The following NDUFAF5 variants were observed in gnomAD, a reference collection of about 807,000 sequenced individuals.
NDUFAF5 encodes the protein arginine-hydroxylase NDUFAF5, mitochondrial.
NDUFAF5 carries 34 observed loss-of-function variants against 48.9 expected under a neutral mutation model. The observed-to-expected ratio is 0.70, with a 90% CI of 0.53 to 0.93. The LOEUF (loss-of-function observed/expected upper bound fraction) is 0.93, where lower values mean the gene tolerates loss of function less well. Among genes scored for constraint, NDUFAF5 ranks in the 40% least tolerant of loss-of-function variants. The pLI, the probability that NDUFAF5 is intolerant of heterozygous loss-of-function variation, is 0.00. For synonymous variants in NDUFAF5, 153 were observed against 150.6 expected (o/e 1.02, Z -0.12); for missense variants, 428 against 427.5 (o/e 1.00, Z -0.01).
intron 1 of NDUFAF5, among the ~76,000 whole-genome samples, chr20:13,786,078 C>G (rs1249628366): frequency 1.3e-5 from 2 of 152,188 alleles, no homozygotes; most frequent in Non-Finnish European, 2.9e-5. Context: ...ACCTTTCTCC[C>G]TGCCCAGGTG....
chr20:13,812,189 G>A (rs976669597), intron 8 of NDUFAF5, among the ~76,000 whole-genome samples: 2 of 152,104 alleles, frequency 1.3e-5, no homozygotes, highest in African/African-American at 2.4e-5. Flanking sequence ...TTGACCTATC[G>A]TGCAGCCTCC....
chr20:13,813,227 G>C (rs960483423), intron 8 of NDUFAF5, among the ~76,000 whole-genome samples: 8 of 152,206 alleles, frequency 5.3e-5, no homozygotes, highest in African/African-American at 1.9e-4. Context: ...TGGGATTACA[G>C]GTGTGAGTCT....
chr20:13,808,821 T>G (rs774919069), intron 7 of NDUFAF5, 21 bp from the exon 8 acceptor site: 41 of 1,478,816 alleles, frequency 2.8e-5, no homozygotes, highest in Non-Finnish European at 2.6e-5. Context: ...CAAATGAATA[T>G]TTCTTTTTCT....
Position 13,817,132 on chromosome 20 carries a change from AAG to A in NDUFAF5, c.963_964del (p.Gly322PhefsTer41), listed in dbSNP as rs754782285. On this transcript the variant is annotated frameshift_variant, in exon 11 of 11. Transcript: ENST00000378106. LOFTEE classifies it high-confidence loss of function. ...ATTATTTTCAGGCAAGACCAGCTGAAAGAGGTTCCGCAACTGTGTCATTTGGA... is the reference window on the plus strand; with the variant it reads ...ATTATTTTCAGGCAAGACCAGCTGAAAGGTTCCGCAACTGTGTCATTTGGA... ...YHESQARPAE[R>X]GSATVSFGEL... The A allele has an allele frequency of 5.6e-6, 9 of 1,613,928 alleles. No individual in the cohort carries two copies. Among genetic ancestry groups the A allele is most frequent in the Non-Finnish European group, 7.6e-6 (9 of 1,179,866 alleles).
At chr20:13,806,697 G>A (rs1484385677) in intron 7 of NDUFAF5, among the ~76,000 whole-genome samples, 1 of 152,128 alleles carries the variant, frequency 6.6e-6, no homozygotes, top group Non-Finnish European at 1.5e-5. Flanking sequence ...AAAGAATTTT[G>A]TTTTTAATCT....
chr20:13,817,422 A>G lies in NDUFAF5; in HGVS notation c.*212A>G. 1 of 674,060 alleles carries G rather than the reference A, an allele frequency of 1.5e-6. No homozygotes were observed. The highest frequency in any genetic ancestry group is 2.7e-6 in the Non-Finnish European group (1 of 368,728). The allele number at this position is 674,060 out of a possible 1,614,324, so 41.8% of individuals were successfully genotyped here. ...TAAGGATACTGCTGAGTGTCTTTGC[A>G]GATTCAGCCTAAAAGCAAAGAAAAT... On this transcript the variant is annotated 3_prime_UTR_variant, in exon 11 of 11. Coordinates refer to ENST00000378106, the MANE Select transcript of NDUFAF5 (RefSeq NM_024120.5).
chr20:13,807,491 CTT>C (rs1399295187), intron 7 of NDUFAF5, among the ~76,000 whole-genome samples: 1 of 151,580 alleles, frequency 6.6e-6, no homozygotes, highest in African/African-American at 2.4e-5. Context: ...TACATGCACT[CTT>C]TTGCTTTTTT....
chr20:13,817,093 T>C, intron 10 of NDUFAF5, 25 bp from the exon 11 acceptor site: 2 of 1,603,450 alleles, frequency 1.2e-6, no homozygotes, highest in Admixed American at 1.7e-5. Flanking sequence ...CTATTTCTAA[T>C]ATCTTTAATC....
At chr20:13,812,258 C>A (rs894991594) in intron 8 of NDUFAF5, among the ~76,000 whole-genome samples, 1 of 152,130 alleles carries the variant, frequency 6.6e-6, no homozygotes, top group Non-Finnish European at 1.5e-5. Context: ...GAAATCTTAC[C>A]ATTGTCATCA....
chr20:13,816,787 ATTTCTT>A (rs1053491157), intron 9 of NDUFAF5, 82 bp from the exon 10 acceptor site: 1 of 880,978 alleles, frequency 1.1e-6, no homozygotes, highest in African/African-American at 1.7e-5. Flanking sequence ...CCTTGTACCC[ATTTCTT>A]TTTGAAGAAC....
chr20:13,801,704 A>C, intron 7 of NDUFAF5, 21 bp downstream of exon 7: 2 of 1,596,194 alleles, frequency 1.3e-6, no homozygotes, highest in East Asian at 4.5e-5. Flanking sequence ...AGTTCGATTA[A>C]CCCATAACTT....
At chr20:13,811,749 C>A (rs1218103938) in intron 8 of NDUFAF5, among the ~76,000 whole-genome samples, 1 of 152,142 alleles carries the variant, frequency 6.6e-6, no homozygotes, top group African/African-American at 2.4e-5. Flanking sequence ...GAAGCAGTTT[C>A]CTTAAAAGAG....
In NDUFAF5 at chr20:13,820,931, G is replaced by A. The variant is rs1986944779; in HGVS notation, c.*3721G>A. 6.6e-6 allele frequency: 1 copy of A among 152,174 alleles called. No homozygotes were observed. Among genetic ancestry groups the A allele is most frequent in the African/African-American group, 2.4e-5 (1 of 41,436 alleles). 9.4% of individuals were successfully genotyped at this position (152,174 alleles called of 1,614,324 possible). A position where few individuals can be genotyped will look rare whatever the true frequency, so the allele number is the denominator to read the frequency against. On this transcript the variant is annotated 3_prime_UTR_variant, in exon 11 of 11. Coordinates refer to ENST00000378106, the MANE Select transcript of NDUFAF5 (RefSeq NM_024120.5). The stretch of plus-strand genomic sequence containing the variant: ...TTTTTGGGGAGGGGTTGTGGTTAAT[G>A]ATGTGAAATTAATCTTCAGGAAATT...
At chr20:13,787,380 C>T in intron 2 of NDUFAF5, 28 bp downstream of exon 2, 1 of 1,606,984 alleles carries the variant, frequency 6.2e-7, no homozygotes, top group African/African-American at 1.3e-5. Context: ...TAATACAATA[C>T]CATCAACTTT....
intron 1 of NDUFAF5, chr20:13,787,052 G>T: frequency 1.9e-6 from 1 of 514,830 alleles, no homozygotes; most frequent in Non-Finnish European, 3.5e-6. Context: ...GAATGTAAAG[G>T]CCACATATAT....
In NDUFAF5 at chr20:13,798,526, T is replaced by C. The variant is rs763579987; in HGVS notation, c.519+26T>C. 2.6e-6 allele frequency: 4 copies of C among 1,541,832 alleles called. No individual in the cohort carries two copies. In the South Asian group the frequency reaches 4.5e-5, roughly 17 times the overall value. On this transcript the variant is annotated intron_variant, in intron 6 of 10. Coordinates refer to ENST00000378106, the MANE Select transcript of NDUFAF5 (RefSeq NM_024120.5). ...GTAAGAAAACTTATGTTCATTCAAC[T>C]ATCTTGTGTTATTTTCTTTATTGTT...
At chr20:13,799,698 C>CA (rs780212570) in intron 6 of NDUFAF5, among the ~76,000 whole-genome samples, 11,067 of 81,308 alleles carry the variant, frequency 0.14, 431 homozygotes, top group African/African-American at 0.16. Context: ...GACTCTGTCT[C>CA]AAAAAAAAAA....
At position 13,785,051 on chromosome 20, in the gene NDUFAF5, T is replaced by C. The variant is rs764029350; in HGVS notation, c.-18T>C. 5.6e-6 allele frequency: 9 copies of C among 1,604,944 alleles called. No individual in the cohort carries two copies. The highest frequency in any genetic ancestry group is 1.3e-5 in the African/African-American group (1 of 74,774). ...GCATGCGCACAAAAAGCGCCGGCAATTGGGGTCGCAGCTGGAGATGCTGCG... is the reference window on the plus strand; with the variant it reads ...GCATGCGCACAAAAAGCGCCGGCAACTGGGGTCGCAGCTGGAGATGCTGCG... On this transcript the variant is annotated 5_prime_UTR_variant, in exon 1 of 11. Transcript: ENST00000378106.
At chr20:13,787,063 A>G in intron 1 of NDUFAF5, 3 of 532,716 alleles carry the variant, frequency 5.6e-6, no homozygotes, top group Non-Finnish European at 6.8e-6. Flanking sequence ...CCACATATAT[A>G]TATGTGTGTG....
Sources: gnomAD v4.1 joint callset for allele counts (sites outside exome capture counted in the v4.1 genomes callset) on GRCh38, gnomAD v4.1.1 for gene constraint, MANE v1.5 for transcripts, NCBI Gene and HGNC (gene_info 2026-07-23, HGNC 2026-07-21) for gene names.